Variants in AHI1 observed in about 807,000 individuals in gnomAD.
AHI1 encodes the protein Abelson helper integration site 1.
AHI1 carries 123 observed loss-of-function variants against 149.3 expected under a neutral mutation model. The observed-to-expected ratio is 0.82, with a 90% CI of 0.71 to 0.96. AHI1 has a LOEUF of 0.96. AHI1 is among the 40% of genes least tolerant of loss of function. AHI1 has a pLI of 0.00. For synonymous variants in AHI1, 475 were observed against 459.8 expected, an observed-to-expected ratio of 1.03 and a Z score of -0.42; for missense variants, 1,439 against 1,422.7, an observed-to-expected ratio of 1.01 and a Z score of -0.18.
rs181205423 is a variant in AHI1 at position 135,452,706 on chromosome 6, A to G, written c.1440+635T>C. Among the ~76,000 whole-genome samples, 80 of 152,076 alleles carry G rather than the reference A, an allele frequency of 5.3e-4. No individual in the cohort carries two copies. The South Asian group carries it at 0.01, about 19-fold the overall frequency. ...TCCCGTTGACCTTAGCAACCTCTTC[A>G]TGCACCATTCTTCTCCCCTTAGTCT... is the stretch of plus-strand genomic sequence containing the variant. On this transcript the variant is annotated intron_variant, in intron 11 of 28. Coordinates refer to ENST00000265602, the MANE Select transcript of AHI1 (RefSeq NM_001134831.2).
chr6:135,385,937 A>T (rs1777516009), intron 23 of AHI1, among the ~76,000 whole-genome samples: 1 of 152,210 alleles, frequency 6.6e-6, no homozygotes, highest in African/African-American at 2.4e-5. Context: ...TATATTCACA[A>T]CATTTTTACC....
At chr6:135,429,849 G>A in intron 18 of AHI1, 33 bp downstream of exon 18, 1 of 1,250,642 alleles carries the variant, frequency 8.0e-7, no homozygotes, top group South Asian at 1.4e-5. Flanking sequence ...TACTCTGTGA[G>A]TACTTATCCT....
chr6:135,376,303 G>A (rs182285109), intron 23 of AHI1, among the ~76,000 whole-genome samples: 89 of 152,190 alleles, frequency 5.8e-4, no homozygotes, highest in Admixed American at 3.1e-3. Flanking sequence ...GGAAGGTTGG[G>A]AACAAGATAT....
chr6:135,401,768 A>G (rs1780055240), intron 22 of AHI1, among the ~76,000 whole-genome samples: 1 of 152,202 alleles, frequency 6.6e-6, no homozygotes, highest in African/African-American at 2.4e-5. Flanking sequence ...AATCTTTGTG[A>G]CACAAGGCTA....
At chr6:135,493,050 G>A in intron 3 of AHI1, 1 of 832,156 alleles carries the variant, frequency 1.2e-6, no homozygotes, top group Non-Finnish European at 1.4e-6. Context: ...CCTTTGTCGA[G>A]TGCAGTGGTG....
rs1431248417 is a variant in AHI1, at chr6:135,435,587, A to G, written c.2037-2331T>C. ...GCAAAGGGTACAAGGGAAGCGCATG[A>G]GAAAAGAATGTTGGGTCAATGAGGA... On this transcript the variant is annotated intron_variant, in intron 15 of 28. Coordinates refer to ENST00000265602, the MANE Select transcript of AHI1 (RefSeq NM_001134831.2). Among the ~76,000 whole-genome samples, 5 of 152,220 alleles carry G rather than the reference A, an allele frequency of 3.3e-5. No homozygotes were observed. In the East Asian group the frequency reaches 9.6e-4, roughly 29 times the overall value.
At chr6:135,476,997 CCTTT>C (rs1360797654) in intron 5 of AHI1, among the ~76,000 whole-genome samples, 4 of 151,678 alleles carry the variant, frequency 2.6e-5, no homozygotes, top group African/African-American at 7.3e-5. Flanking sequence ...TCTATTATTT[CCTTT>C]CTGTTTGTCC....
At chr6:135,462,057 T>C (rs932991464) in intron 8 of AHI1, among the ~76,000 whole-genome samples, 8 of 152,038 alleles carry the variant, frequency 5.3e-5, no homozygotes, top group African/African-American at 1.9e-4. Flanking sequence ...TACTGCTTAG[T>C]GCTTTATATA....
At chr6:135,374,109 T>TATATATATATATATATATATA (rs1491273878) in intron 23 of AHI1, among the ~76,000 whole-genome samples, 2 of 25,458 alleles carry the variant, frequency 7.9e-5, no homozygotes, top group African/African-American at 2.6e-4. Flanking sequence ...TATATATATA[T>TATATATATATATATATATATA]TTTTTTTTTT....
chr6:135,307,121 T>C (rs1050728164), intron 26 of AHI1: 2 of 152,146 alleles, frequency 1.3e-5, no homozygotes, highest in African/African-American at 4.8e-5. Flanking sequence ...ACAGACTCAT[T>C]AAGTACAAAA....
intron 23 of AHI1, among the ~76,000 whole-genome samples, chr6:135,383,226 CTTTTTT>C (rs764546253): frequency 3.9e-5 from 3 of 76,870 alleles, no homozygotes; most frequent in Admixed American, 1.9e-4. Context: ...TCCCCCCTCC[CTTTTTT>C]TTTTTTTTTT....
At chr6:135,366,269 T>G (rs1774167545) in intron 23 of AHI1, among the ~76,000 whole-genome samples, 1 of 152,062 alleles carries the variant, frequency 6.6e-6, no homozygotes, top group Admixed American at 6.6e-5. Context: ...CGTCCTTTCC[T>G]GGCTTTGGTA....
intron 24 of AHI1, among the ~76,000 whole-genome samples, chr6:135,353,383 C>T (rs1471863100): frequency 2.0e-5 from 3 of 152,060 alleles, no homozygotes; most frequent in South Asian, 4.2e-4. Context: ...GCCCATTCAC[C>T]CCAGTTTACA....
chr6:135,467,239 G>A (rs926946694), intron 6 of AHI1, among the ~76,000 whole-genome samples: 1 of 152,142 alleles, frequency 6.6e-6, no homozygotes, highest in South Asian at 2.1e-4. Context: ...TGTAAAGATG[G>A]CTTGACAACT....
chr6:135,418,989 C>T (rs1444482681), intron 20 of AHI1, among the ~76,000 whole-genome samples: 2 of 150,500 alleles, frequency 1.3e-5, no homozygotes, highest in Non-Finnish European at 3.0e-5. Context: ...CTTGTTCCTC[C>T]TTCAGCTAAT....
intron 23 of AHI1, among the ~76,000 whole-genome samples, chr6:135,386,940 CTTTTTGA>C (rs1335708267): frequency 6.6e-6 from 1 of 151,446 alleles, no homozygotes; most frequent in Non-Finnish European, 1.5e-5. Flanking sequence ...TTTCTTTTTT[CTTTTTGA>C]GACAGGGTCT....
intron 24 of AHI1, among the ~76,000 whole-genome samples, chr6:135,346,111 T>A (rs1582723771): frequency 1.3e-5 from 2 of 152,182 alleles, no homozygotes; most frequent in African/African-American, 4.8e-5. Flanking sequence ...GTAGTACCAA[T>A]GACAGAAAAC....
chr6:135,364,082 C>T (rs1794471906), intron 23 of AHI1, among the ~76,000 whole-genome samples: 1 of 151,636 alleles, frequency 6.6e-6, no homozygotes, highest in African/African-American at 2.4e-5. Context: ...GACCCCCCCA[C>T]CTCCCTCCCG....
Position 135,285,012 on chromosome 6 carries a change from G to T in AHI1, c.*633C>A, listed in dbSNP as rs1359574706. The T allele has an allele frequency of 6.5e-6, 1 of 153,208 alleles. No homozygotes were observed. The highest frequency in any genetic ancestry group is 1.5e-5 in the Non-Finnish European group (1 of 68,872). 9.5% of individuals were successfully genotyped at this position (153,208 alleles called of 1,614,324 possible). ...CCTGCCTCAGTAGATGGGATTACAGGTGCCTGCCATGAGACCCGGCTGATT... is the reference window on the plus strand; with the variant it reads ...CCTGCCTCAGTAGATGGGATTACAGTTGCCTGCCATGAGACCCGGCTGATT... On this transcript the variant is annotated 3_prime_UTR_variant, in exon 29 of 29. Coordinates refer to ENST00000265602, the MANE Select transcript of AHI1 (RefSeq NM_001134831.2).
Sources: gnomAD v4.1 joint callset for allele counts (sites outside exome capture counted in the v4.1 genomes callset) on GRCh38, gnomAD v4.1.1 for gene constraint, MANE v1.5 for transcripts, NCBI Gene and HGNC (gene_info 2026-07-23, HGNC 2026-07-21) for gene names.